FGD5: variants seen among roughly 807,000 people sequenced by gnomAD.
The protein encoded by FGD5 is FYVE, RhoGEF and PH domain-containing protein 5.
In FGD5, 28 loss-of-function variants were observed where a neutral mutation model predicts 133.4. That is an observed-to-expected ratio of 0.21 (90% CI 0.16 to 0.29). FGD5 has a LOEUF of 0.29. FGD5 is among the 10% of genes least tolerant of loss of function. FGD5 has a pLI of 1.00. For synonymous variants in FGD5, 810 were observed against 776.5 expected (o/e 1.04, Z -0.72); for missense variants, 1,858 against 1,895.2 (o/e 0.98, Z 0.36).
chr3:14,815,708 T>C (rs1195402729), upstream of FGD5, among the ~76,000 whole-genome samples: 5 of 152,216 alleles, frequency 3.3e-5, no homozygotes. Context: ...TGGCCTTAGT[T>C]TCCCTGCATT....
intron 4 of FGD5, among the ~76,000 whole-genome samples, chr3:14,882,789 A>G (rs1257655986): frequency 6.6e-6 from 1 of 151,970 alleles, no homozygotes; most frequent in Admixed American, 6.6e-5. Flanking sequence ...TTACAGGGAT[A>G]GAGGGGGCAG....
intron 11 of FGD5, among the ~76,000 whole-genome samples, chr3:14,911,993 A>T (rs1030171196): frequency 6.6e-6 from 1 of 151,986 alleles, no homozygotes; most frequent in African/African-American, 2.4e-5. Context: ...AGGGCATTTC[A>T]GGAGAGGTAA....
intron 19 of FGD5, 22 bp downstream of exon 19, chr3:14,932,753 C>G (rs774659758): frequency 1.4e-5 from 23 of 1,604,334 alleles, no homozygotes; most frequent in Non-Finnish European, 2.0e-5. Context: ...ACTAATTAGT[C>G]TTATAGCTTT....
intron 1 of FGD5, among the ~76,000 whole-genome samples, chr3:14,837,640 C>T (rs903770639): frequency 2.0e-5 from 3 of 152,152 alleles, no homozygotes; most frequent in East Asian, 1.9e-4. Flanking sequence ...GGATAGGCTG[C>T]GAAGTATTTG....
intron 1 of FGD5, among the ~76,000 whole-genome samples, chr3:14,854,432 T>TATTTATTGATTGATTGATTG (rs374445929): frequency 1.4e-5 from 2 of 143,364 alleles, no homozygotes; most frequent in African/African-American, 2.6e-5. Flanking sequence ...TTTATTTATT[T>TATTTATTGATTGATTGATTG]ATTGAGACGA....
At chr3:14,818,072 A>G (rs765853268), upstream of FGD5, among the ~76,000 whole-genome samples, 6 of 152,228 alleles carry the variant, frequency 3.9e-5, no homozygotes, top group Admixed American at 2.6e-4. Context: ...TTCCCTGGCC[A>G]CAGCAGCCCA....
chr3:14,815,703 T>C (rs1360683378), upstream of FGD5, among the ~76,000 whole-genome samples: 1 of 152,226 alleles, frequency 6.6e-6, no homozygotes, highest in African/African-American at 2.4e-5. Context: ...CACCGTGGCC[T>C]TAGTTTCCCT....
At chr3:14,883,546 A>T (rs1450146559) in intron 4 of FGD5, among the ~76,000 whole-genome samples, 1 of 152,204 alleles carries the variant, frequency 6.6e-6, no homozygotes, top group Admixed American at 6.5e-5. Flanking sequence ...CCATCCGTCC[A>T]TTCCTCATCT....
chr3:14,822,141 C>G (rs1268298039), intron 1 of FGD5, among the ~76,000 whole-genome samples: 1 of 151,686 alleles, frequency 6.6e-6, no homozygotes, highest in African/African-American at 2.4e-5. Context: ...AAAAGAAAAT[C>G]AGAGTAGATA....
At chr3:14,843,475 T>A (rs1017035574) in intron 1 of FGD5, among the ~76,000 whole-genome samples, 1 of 151,916 alleles carries the variant, frequency 6.6e-6, no homozygotes, top group African/African-American at 2.4e-5. Flanking sequence ...GGCCACTGAG[T>A]CCACCCCAGG....
At chr3:14,881,358 C>G (rs916088524) in intron 4 of FGD5, among the ~76,000 whole-genome samples, 5 of 152,112 alleles carry the variant, frequency 3.3e-5, no homozygotes, top group African/African-American at 1.2e-4. Flanking sequence ...GCAGTCAGCT[C>G]AGTTCAGTTC....
chr3:14,857,240 C>G (rs1575211948), intron 1 of FGD5, among the ~76,000 whole-genome samples: 1 of 149,280 alleles, frequency 6.7e-6, no homozygotes, highest in South Asian at 2.1e-4. Flanking sequence ...GCCTCCACCC[C>G]CCCAGGCTCA....
At chr3:14,891,316 G>T (rs986966003) in intron 4 of FGD5, among the ~76,000 whole-genome samples, 1 of 152,092 alleles carries the variant, frequency 6.6e-6, no homozygotes, top group East Asian at 1.9e-4. Context: ...CCATCCAGCC[G>T]CCCTCTGCAC....
At chr3:14,897,402 G>A in intron 4 of FGD5, 107 bp from the exon 5 acceptor site, 3 of 1,322,528 alleles carry the variant, frequency 2.3e-6, no homozygotes, top group East Asian at 2.5e-5. Context: ...AGTCCTCACT[G>A]CTGTCTTCAC....
intron 4 of FGD5, among the ~76,000 whole-genome samples, chr3:14,892,389 C>G (rs1454894041): frequency 6.6e-6 from 1 of 151,946 alleles, no homozygotes. Flanking sequence ...TTTTGGCAGT[C>G]TCGCCATGTT....
intron 13 of FGD5, 149 bp downstream of exon 13, chr3:14,918,982 G>A: frequency 2.4e-6 from 2 of 830,862 alleles, no homozygotes; most frequent in Non-Finnish European, 3.7e-6. Flanking sequence ...TTTCTTTTCA[G>A]TGTTTCTTAA....
intron 1 of FGD5, among the ~76,000 whole-genome samples, chr3:14,861,421 A>T (rs294631): frequency 0.9 from 136,364 of 152,198 alleles, 61,291 homozygotes; most frequent in East Asian, 0.98. Flanking sequence ...CCACTGACTT[A>T]CAGAAGTAAA....
At chr3:14,848,599 T>A (rs2037099948) in intron 1 of FGD5, among the ~76,000 whole-genome samples, 1 of 152,140 alleles carries the variant, frequency 6.6e-6, no homozygotes, top group African/African-American at 2.4e-5. Flanking sequence ...GTGTGAAAAT[T>A]AAAATCTTGT....
chr3:14,868,471 G>A (rs531783788), intron 2 of FGD5, among the ~76,000 whole-genome samples: 2 of 152,166 alleles, frequency 1.3e-5, no homozygotes, highest in East Asian at 1.9e-4. Context: ...TTGACCATCC[G>A]CCCCCAATTA....
Sources: gnomAD v4.1 joint callset for allele counts (sites outside exome capture counted in the v4.1 genomes callset) on GRCh38, gnomAD v4.1.1 for gene constraint, MANE v1.5 for transcripts, NCBI Gene and HGNC (gene_info 2026-07-23, HGNC 2026-07-21) for gene names.